Variants in ANK2 observed in about 807,000 individuals in gnomAD.
ANK2 encodes the protein ankyrin-2.
ANK2 carries 83 observed loss-of-function variants against 360.5 expected under a neutral mutation model. The ratio of observed to expected loss-of-function variants is 0.23; its 90% confidence interval spans 0.19 to 0.28. The LOEUF (loss-of-function observed/expected upper bound fraction) is 0.28. ANK2 is among the 10% of genes least tolerant of loss of function. The probability of loss-of-function intolerance (pLI) is 1.00; values close to 1 mark genes in which losing one functional copy is unlikely to be tolerated. For synonymous variants in ANK2, 1,740 were observed against 1,759.5 expected (o/e 0.99, Z 0.28); for missense variants, 4,201 against 4,795.7 (o/e 0.88, Z 3.66).
rs2096589931 is a variant in ANK2, at chr4:113,367,814, C to T, written c.11281C>T (p.Pro3761Ser). The T allele has an allele frequency of 6.2e-7, 1 of 1,614,058 alleles. No individual in the cohort carries two copies. Among genetic ancestry groups the T allele is most frequent in the South Asian group, 1.1e-5 (1 of 91,068 alleles). Residue 3761 changes from proline to serine, a missense_variant, in exon 42 of 46, where the codon CCT (proline) becomes TCT (serine). By Grantham distance (74) the Pro-to-Ser change is moderately conservative (BLOSUM62 -1). Around this residue, in one of 4 missense-constraint regions of ANK2, gnomAD observed 2,642 missense variants for 2,714.5 expected, o/e 0.97. Coordinates refer to ENST00000357077, the MANE Select transcript of ANK2 (RefSeq NM_001148.6). ...QDFSGKMQDL[P>S]EESSLEYQQE... is the part of the protein sequence containing the mutation. ...TTTCTCAGGGAAAATGCAAGACCTGCCTGAAGAGTCATCTCTGGAATATCA... is the reference window on the plus strand; with the variant it reads ...TTTCTCAGGGAAAATGCAAGACCTGTCTGAAGAGTCATCTCTGGAATATCA...
intron 1 of ANK2, chr4:112,904,361 T>C: frequency 1.4e-6 from 1 of 736,032 alleles, no homozygotes; most frequent in Middle Eastern, 3.9e-4. Flanking sequence ...GTGCCTCCTA[T>C]AAGCTTATTT....
At chr4:112,907,994 A>C (rs1307562294) in intron 2 of ANK2, among the ~76,000 whole-genome samples, 1 of 152,216 alleles carries the variant, frequency 6.6e-6, no homozygotes, top group Non-Finnish European at 1.5e-5. Flanking sequence ...CCATGAAAGC[A>C]TGTAGTATGA....
At chr4:112,882,113 G>A in intron 1 of ANK2, 1 of 298,272 alleles carries the variant, frequency 3.4e-6, no homozygotes, top group Non-Finnish European at 6.3e-6. Flanking sequence ...AGCTTCCGCA[G>A]CTGTTCCGGC....
At chr4:112,731,607 G>A in the ANK2 span, among the ~76,000 whole-genome samples, 1 of 151,446 alleles carries the variant, frequency 6.6e-6, no homozygotes, top group African/African-American at 2.4e-5. Context: ...GCACATGCCT[G>A]TAGTCCCCAG....
chr4:113,253,608 A>T (rs1390384451), intron 10 of ANK2, among the ~76,000 whole-genome samples: 2 of 151,912 alleles, frequency 1.3e-5, no homozygotes, highest in Non-Finnish European at 2.9e-5. Context: ...TACCCATGTC[A>T]TGTTGGACTC....
At chr4:113,203,157 G>T (rs2098866626) in intron 4 of ANK2, among the ~76,000 whole-genome samples, 1 of 152,046 alleles carries the variant, frequency 6.6e-6, no homozygotes, top group Non-Finnish European at 1.5e-5. Context: ...TCTTTAGTAG[G>T]CATCTTATCC....
chr4:113,336,530 TA>T, intron 30 of ANK2, 46 bp from the exon 31 acceptor site: 2 of 1,453,586 alleles, frequency 1.4e-6, no homozygotes. Context: ...TTCTTTATTT[TA>T]AAATATATAC....
At chr4:112,767,079 T>A in the ANK2 span, among the ~76,000 whole-genome samples, 1 of 152,214 alleles carries the variant, frequency 6.6e-6, no homozygotes, top group Non-Finnish European at 1.5e-5. Flanking sequence ...TAAAGCATCA[T>A]CTCTTTCTTA....
intron 45 of ANK2, among the ~76,000 whole-genome samples, chr4:113,380,222 G>C (rs1367649849): frequency 6.6e-6 from 1 of 151,116 alleles, no homozygotes; most frequent in Non-Finnish European, 1.5e-5. Context: ...TTATTCCTTT[G>C]CTTTCCTAAT....
At chr4:113,138,149 T>C (rs974442214) in intron 1 of ANK2, among the ~76,000 whole-genome samples, 2 of 152,216 alleles carry the variant, frequency 1.3e-5, no homozygotes, top group Non-Finnish European at 2.9e-5. Context: ...AGTGTATAGA[T>C]ACATTTACTC....
chr4:113,156,392 CAG>C (rs200388678), intron 1 of ANK2, among the ~76,000 whole-genome samples: 1,510 of 39,400 alleles, frequency 0.038, 32 homozygotes, highest in African/African-American at 0.14. Flanking sequence ...GTTTTTGAGA[CAG>C]AGTTTCACTC....
At chr4:112,745,089 TTTA>T in the ANK2 span, among the ~76,000 whole-genome samples, 1 of 152,220 alleles carries the variant, frequency 6.6e-6, no homozygotes, top group Non-Finnish European at 1.5e-5. Context: ...ATATGTTTTC[TTTA>T]TTATTTGTAA....
At chr4:112,886,325 A>G (rs1049084434) in intron 1 of ANK2, among the ~76,000 whole-genome samples, 1 of 152,064 alleles carries the variant, frequency 6.6e-6, no homozygotes, top group Admixed American at 6.6e-5. Flanking sequence ...TGAGACACCA[A>G]AAAGGCCGCA....
At chr4:112,858,814 C>T (rs1017884889) in intron 1 of ANK2, among the ~76,000 whole-genome samples, 2 of 152,124 alleles carry the variant, frequency 1.3e-5, no homozygotes, top group Admixed American at 1.3e-4. Flanking sequence ...TTTGCCCAGG[C>T]TATTTGACCA....
chr4:113,161,704 G>A (rs1325301321), intron 1 of ANK2, among the ~76,000 whole-genome samples: 1 of 109,278 alleles, frequency 9.2e-6, no homozygotes, highest in Non-Finnish European at 2.3e-5. Context: ...TCGTGTGTGT[G>A]TGTGTGTGTG....
chr4:113,342,699 C>CA lies in ANK2; in HGVS notation c.4123-303dup, dbSNP rs746540707. On this transcript the variant is annotated intron_variant, in intron 33 of 45. Coordinates refer to ENST00000357077, the MANE Select transcript of ANK2 (RefSeq NM_001148.6). ...TGGGCAACAGAGTGAGACTCCGTCTCAAAAAAAAAAAAAAATTACCCAAGC... is the reference window on the plus strand; with the variant it reads ...TGGGCAACAGAGTGAGACTCCGTCTCAAAAAAAAAAAAAAAATTACCCAAGC... 0.047 allele frequency among the ~76,000 whole-genome samples: 4,748 copies of CA among 101,118 alleles called. 245 individuals carry two copies. Among genetic ancestry groups the CA allele is most frequent in the African/African-American group, 0.15 (4,295 of 28,520 alleles). The allele number at this position is 101,118 out of a possible 152,430, so 66.3% of individuals were successfully genotyped here.
intron 2 of ANK2, among the ~76,000 whole-genome samples, chr4:113,186,605 C>T (rs1343109893): frequency 7.2e-6 from 1 of 139,532 alleles, no homozygotes; most frequent in African/African-American, 2.7e-5. Flanking sequence ...CTCTCTCTCT[C>T]TCCCTCACTC....
chr4:112,876,063 AT>A (rs915687034), intron 1 of ANK2, among the ~76,000 whole-genome samples: 36 of 147,062 alleles, frequency 2.4e-4, no homozygotes, highest in Admixed American at 8.2e-4. Context: ...TATATTTCGG[AT>A]TTTTTTTTTC....
intron 21 of ANK2, 124 bp downstream of exon 21, chr4:113,292,638 A>G: frequency 9.1e-7 from 1 of 1,098,142 alleles, no homozygotes. Flanking sequence ...TGGACTCTGG[A>G]AAGCCCCAGA....
Sources: gnomAD v4.1 joint callset for allele counts (sites outside exome capture counted in the v4.1 genomes callset) on GRCh38, gnomAD v4.1.1 for gene constraint, gnomAD v4.1.1 regional missense constraint, MANE v1.5 for transcripts, NCBI Gene and HGNC (gene_info 2026-07-23, HGNC 2026-07-21) for gene names.